Variants in RHPN1 observed in about 807,000 individuals in gnomAD.
RHPN1 encodes rhophilin Rho GTPase binding protein 1.
RHPN1 carries 77 observed loss-of-function variants against 74.7 expected under a neutral mutation model. The observed-to-expected ratio is 1.03, with a 90% CI of 0.86 to 1.25. The LOEUF is 1.25. Among genes scored for constraint, RHPN1 ranks in the 50% most tolerant of loss-of-function variants. RHPN1 has a pLI of 0.00. For synonymous variants in RHPN1, 444 were observed against 414.5 expected, an observed-to-expected ratio of 1.07 and a Z score of -0.87; for missense variants, 987 against 932.2, an observed-to-expected ratio of 1.06 and a Z score of -0.77.
chr8:143,376,141 A>C (rs1163824988), intron 2 of RHPN1, among the ~76,000 whole-genome samples: 5 of 151,924 alleles, frequency 3.3e-5, no homozygotes, highest in Non-Finnish European at 7.4e-5. Context: ...TTCCCTGGGG[A>C]CCTCCGGTCC....
At chr8:143,370,586 C>G (rs926437471) in intron 1 of RHPN1, among the ~76,000 whole-genome samples, 1 of 152,220 alleles carries the variant, frequency 6.6e-6, no homozygotes, top group Non-Finnish European at 1.5e-5. Flanking sequence ...TGTATTTGCC[C>G]CAGGCGTGAT....
chr8:143,364,717 G>A (rs1184238865), upstream of RHPN1, among the ~76,000 whole-genome samples: 1 of 152,110 alleles, frequency 6.6e-6, no homozygotes, highest in African/African-American at 2.4e-5. This position sits in a 1 kb window ranked among gnomAD's most constrained non-coding sequence, Gnocchi z 4.5. Flanking sequence ...GTCTCACCGG[G>A]AAGCCAGGTG....
rs374961930 is a variant in RHPN1, at chr8:143,382,553, C to G, written c.1915C>G (p.Arg639Gly). Reference sequence around the variant, plus strand: ...TCCCCGGCCCCTCCTCAACTGGAGCCGAAAGGCCCAGCAGGGCAAGACTGG... The same window carrying G: ...TCCCCGGCCCCTCCTCAACTGGAGCGGAAAGGCCCAGCAGGGCAAGACTGG... ...ASPRPLLNWSRKAQQGKTGGC... is the reference protein window; with the variant it reads ...ASPRPLLNWSGKAQQGKTGGC... Residue 639 changes from arginine to glycine, a missense_variant, in exon 15 of 15, where the codon CGA (arginine) becomes GGA (glycine). By Grantham distance (125) the Arg-to-Gly change is moderately radical (BLOSUM62 -2). Transcript: ENST00000289013. 1.2e-6 allele frequency: 2 copies of G among 1,611,650 alleles called. No homozygotes were observed. Among genetic ancestry groups the G allele is most frequent in the Non-Finnish European group, 1.7e-6 (2 of 1,179,640 alleles).
intron 1 of RHPN1, chr8:143,374,387 TC>T (rs1818073670): frequency 1.1e-6 from 1 of 913,580 alleles, no homozygotes; most frequent in Non-Finnish European, 1.3e-6. Context: ...CGGGAAGCAG[TC>T]CCAGGAGCCA....
Position 143,381,517 on chromosome 8 carries a change from G to A in RHPN1, c.1489-55G>A, listed in dbSNP as rs1405169100. The A allele has an allele frequency of 7.7e-6, 12 of 1,555,198 alleles. No homozygotes were observed. The East Asian group carries it at 1.4e-4, about 18-fold the overall frequency. ...GGTTGGATGGATGTGCTAGTCAGGC[G>A]GGGTCTCCTCAGTGTGTGGCCCAGC... On this transcript the variant is annotated intron_variant, in intron 12 of 14. Coordinates refer to ENST00000289013, the MANE Select transcript of RHPN1 (RefSeq NM_052924.3).
rs769243492 is a variant in RHPN1 at position 143,381,980 on chromosome 8, G to T, written c.1797+12G>T. ...GACTGCCCAGCTTGGTGAGCCCCTG[G>T]GGCCCCAGAGGGGCGGTCCCCAGCT... On this transcript the variant is annotated intron_variant, in intron 14 of 14. Coordinates refer to ENST00000289013, the MANE Select transcript of RHPN1 (RefSeq NM_052924.3). The T allele has an allele frequency of 6.4e-7, 1 of 1,564,124 alleles. No individual in the cohort carries two copies. Among genetic ancestry groups the T allele is most frequent in the African/African-American group, 1.4e-5 (1 of 73,630 alleles).
chr8:143,377,855 C>T (rs533220468), intron 4 of RHPN1, among the ~76,000 whole-genome samples: 165 of 152,342 alleles, frequency 1.1e-3, no homozygotes, highest in African/African-American at 3.8e-3. Flanking sequence ...AGAGCTAGAA[C>T]AGACTGGCAC....
At chr8:143,370,430 G>A (rs978623871) in intron 1 of RHPN1, among the ~76,000 whole-genome samples, 3 of 152,184 alleles carry the variant, frequency 2.0e-5, no homozygotes, top group South Asian at 2.1e-4. Flanking sequence ...GCCTGCTGCC[G>A]GGCTAGAGTG....
intron 8 of RHPN1, 90 bp from the exon 9 acceptor site, chr8:143,379,736 ATGG>A (rs1371868344): frequency 4.9e-5 from 73 of 1,482,166 alleles, no homozygotes; most frequent in Non-Finnish European, 6.3e-5. Context: ...GGCTGCTGGG[ATGG>A]TGGTCGGAGC....
chr8:143,375,359 C>T (rs1173998403), intron 1 of RHPN1, among the ~76,000 whole-genome samples, 194 bp from the exon 2 acceptor site: 1 of 152,266 alleles, frequency 6.6e-6, no homozygotes, highest in African/African-American at 2.4e-5. Flanking sequence ...TGACTGCCTC[C>T]TGTCCTGCTC....
chr8:143,384,016 GTGTT>G lies in RHPN1; in HGVS notation c.*1368_*1371del, dbSNP rs200716650. 0.011 allele frequency: 1,704 copies of G among 152,392 alleles called. 21 individuals are homozygous for G. Among genetic ancestry groups the G allele is most frequent in the Non-Finnish European group, 0.016 (1,073 of 68,128 alleles). The allele number at this position is 152,392 out of a possible 1,614,324, so 9.4% of individuals were successfully genotyped here. On this transcript the variant is annotated 3_prime_UTR_variant, in exon 15 of 15. Coordinates refer to ENST00000289013, the MANE Select transcript of RHPN1 (RefSeq NM_052924.3). ...CCAAGAAAATGGGGGTGCAAGTAGG[GTGTT>G]TGGGGTCCCAGAGACGCAGGCGCCG...
chr8:143,377,450 C>T lies in RHPN1; in HGVS notation c.376C>T (p.Leu126=). The T allele has an allele frequency of 6.2e-7, 1 of 1,612,108 alleles. No homozygotes were observed. Among genetic ancestry groups the T allele is most frequent in the Non-Finnish European group, 8.5e-7 (1 of 1,178,426 alleles). The part of the protein sequence containing the change: ...ETKELDWSTP[L]KELISVHFGE... ...CAAGGAGCTGGACTGGTCTACACCG[C>T]TGAAGGTAGGTACTGGCCTCCAAGC... Residue 126 remains leucine, a synonymous_variant, in exon 4 of 15, where the codon CTG becomes TTG. Transcript: ENST00000289013.
intron 7 of RHPN1, 104 bp from the exon 8 acceptor site, chr8:143,379,211 A>T (rs926779074): frequency 7.2e-7 from 1 of 1,392,008 alleles, no homozygotes; most frequent in South Asian, 1.5e-5. Context: ...CATCAGGTCC[A>T]TATGTGTCCC....
rs201201453 is a variant in RHPN1, at chr8:143,381,904, C to T, written c.1733C>T (p.Ala578Val). The change falls in exon 14 of 15, where the codon GCG becomes GTG. Residue 578 changes from alanine (A) to valine (V), a missense_variant. Coordinates refer to ENST00000289013, the MANE Select transcript of RHPN1 (RefSeq NM_052924.3). ...HAEVVTELKA[A>V]GEAGASLQVV... The stretch of plus-strand genomic sequence containing the variant: ...GAGGTGGTGACGGAGCTGAAGGCTG[C>T]GGGAGAGGCGGGCGCCAGCCTGCAG... The T allele has an allele frequency of 3.2e-4, 512 of 1,611,404 alleles. 2 individuals are homozygous for T. The highest frequency in any genetic ancestry group is 2.5e-3 in the African/African-American group (187 of 75,020).
rs763903912 is a variant in RHPN1, at chr8:143,381,993, G to C, written c.1797+25G>C. On this transcript the variant is annotated intron_variant, in intron 14 of 14. Coordinates refer to ENST00000289013, the MANE Select transcript of RHPN1 (RefSeq NM_052924.3). ...GGTGAGCCCCTGGGGCCCCAGAGGG[G>C]CGGTCCCCAGCTTGCTGTCACCACC... 3 of 1,546,180 alleles carry C rather than the reference G, an allele frequency of 1.9e-6. No homozygotes were observed. The Admixed American group carries it at 5.8e-5, about 30-fold the overall frequency.
At position 143,378,257 on chromosome 8, in the gene RHPN1, GC is replaced by G; in HGVS notation, c.382-6del. 2 of 1,562,838 alleles carry G rather than the reference GC, an allele frequency of 1.3e-6. No homozygotes were observed. Among genetic ancestry groups the G allele is most frequent in the African/African-American group, 1.4e-5 (1 of 73,566 alleles). ...AGGGGTACTGTGGATGCCAACACCTGCCCCCCATCAGGAGCTGATCTCAGTG... is the reference window on the plus strand; with the variant it reads ...AGGGGTACTGTGGATGCCAACACCTGCCCCCATCAGGAGCTGATCTCAGTG... On this transcript the variant is annotated splice_polypyrimidine_tract_variant and intron_variant, in intron 4 of 14. Transcript: ENST00000289013.
At position 143,384,183 on chromosome 8, in the gene RHPN1, CACGTGTTAATTTGGT is replaced by C. The variant is rs1343524654; in HGVS notation, c.*1533_*1547del. On this transcript the variant is annotated 3_prime_UTR_variant, in exon 15 of 15. Coordinates refer to ENST00000289013, the MANE Select transcript of RHPN1 (RefSeq NM_052924.3). ...GCCAAGGTCACGCAGGTCTCCCCAG[CACGTGTTAATTTGGT>C]TAATAAAACTGTGGATCAAGGAGGC... 1.3e-5 allele frequency: 2 copies of C among 150,522 alleles called. No homozygotes were observed. The highest frequency in any genetic ancestry group is 4.8e-5 in the African/African-American group (2 of 41,382). The allele number at this position is 150,522 out of a possible 1,614,324, so 9.3% of individuals were successfully genotyped here.
At chr8:143,376,823 C>A in intron 3 of RHPN1, among the ~76,000 whole-genome samples, 170 bp downstream of exon 3, 1 of 136,684 alleles carries the variant, frequency 7.3e-6, no homozygotes, top group East Asian at 2.2e-4. Flanking sequence ...TGTCTGTGTG[C>A]ATGTGTCTGT....
intron 1 of RHPN1, 56 bp from the exon 2 acceptor site, chr8:143,375,497 C>A: frequency 7.7e-7 from 1 of 1,301,146 alleles, no homozygotes. Context: ...TGGCGAGGCG[C>A]AGCCTGGTGC....
Sources: gnomAD v4.1 joint callset for allele counts (sites outside exome capture counted in the v4.1 genomes callset) on GRCh38, gnomAD v4.1.1 for gene constraint, Gnocchi (gnomAD v3.1) non-coding constraint, MANE v1.5 for transcripts, NCBI Gene and HGNC (gene_info 2026-07-23, HGNC 2026-07-21) for gene names.